PLBD1: variants seen among roughly 807,000 people sequenced by gnomAD.
PLBD1 encodes the protein lysosomal leucine aminopeptidase.
A neutral mutation model predicts 63.0 loss-of-function variants in PLBD1; 60 were observed. The ratio of observed to expected loss-of-function variants is 0.95; its 90% CI spans 0.77 to 1.18. The LOEUF (loss-of-function observed/expected upper bound fraction) is 1.18, where lower values mean the gene tolerates loss of function less well. Among genes scored for constraint, PLBD1 ranks in the 50% most tolerant of loss-of-function variants. The pLI, the probability that PLBD1 is intolerant of heterozygous loss-of-function variation, is 0.00. For synonymous variants in PLBD1, 262 were observed against 248.0 expected, an observed-to-expected ratio of 1.06 and a Z score of -0.53; for missense variants, 598 against 677.9, an observed-to-expected ratio of 0.88 and a Z score of 1.31.
chr12:14,518,994 A>T (rs1038410446), intron 6 of PLBD1, among the ~76,000 whole-genome samples: 12 of 152,222 alleles, frequency 7.9e-5, no homozygotes, highest in African/African-American at 2.9e-4. Context: ...AGCATGATAA[A>T]ATTGAGTGAT....
intron 6 of PLBD1, among the ~76,000 whole-genome samples, chr12:14,534,226 T>C (rs2136919201): frequency 1.3e-5 from 2 of 152,310 alleles, no homozygotes; most frequent in South Asian, 4.1e-4. Context: ...GTGGTTGGTA[T>C]AACCACCCCA....
At chr12:14,505,271 T>A (rs1455012836) in intron 10 of PLBD1, among the ~76,000 whole-genome samples, 1 of 152,122 alleles carries the variant, frequency 6.6e-6, no homozygotes, top group Non-Finnish European at 1.5e-5. Flanking sequence ...GGGGTCAGCA[T>A]TCCTATAATT....
intron 10 of PLBD1, among the ~76,000 whole-genome samples, chr12:14,505,472 A>G (rs1380197411): frequency 2.0e-5 from 3 of 152,192 alleles, no homozygotes; most frequent in African/African-American, 7.2e-5. Context: ...ATTTTTAACA[A>G]CAATCTTTCT....
At position 14,567,638 on chromosome 12, in the gene PLBD1, AGC is replaced by A; in HGVS notation, c.57_58del (p.Leu20AlafsTer31). On this transcript the variant is annotated frameshift_variant, in exon 1 of 11. Transcript: ENST00000240617. LOFTEE classifies it high-confidence loss of function. ...CAACAGCGGCAGCAGCAGCAGCAGC[AGC>A]AGAAGCGGTGGCGGCTGTGGCAGCC... 6.7e-7 allele frequency: 1 copy of A among 1,498,662 alleles called. No individual in the cohort carries two copies. The allele number at this position is 1,498,662 out of a possible 1,614,324, so 92.8% of individuals were successfully genotyped here. A position where few individuals can be genotyped will look rare whatever the true frequency, so the allele number is the denominator to read the frequency against.
At position 14,528,080 on chromosome 12, in the gene PLBD1, C is replaced by A. The variant is rs115477828; in HGVS notation, c.844+7579G>T. Among the ~76,000 whole-genome samples, 1,174 of 151,814 alleles carry A rather than the reference C, an allele frequency of 7.7e-3. 17 individuals carry two copies. The highest frequency in any genetic ancestry group is 0.026 in the African/African-American group (1,095 of 41,406). On this transcript the variant is annotated intron_variant, in intron 6 of 10. Coordinates refer to ENST00000240617, the MANE Select transcript of PLBD1 (RefSeq NM_024829.6). ...GAAATGAAATGAGAAATATAATCTG[C>A]CATGGGATTAGAGAAAAAAGATAAG...
In PLBD1 at chr12:14,506,918, A is replaced by G. The variant is rs371636864; in HGVS notation, c.1372+15T>C. 2 of 1,602,116 alleles carry G rather than the reference A, an allele frequency of 1.2e-6. No individual in the cohort carries two copies. On this transcript the variant is annotated intron_variant, in intron 9 of 10. Coordinates refer to ENST00000240617, the MANE Select transcript of PLBD1 (RefSeq NM_024829.6). ...GGAGTTTTGAAGAATGATTCTTGAGAAATATGCTACGTACTGTTGTATCGC... is the reference window on the plus strand; with the variant it reads ...GGAGTTTTGAAGAATGATTCTTGAGGAATATGCTACGTACTGTTGTATCGC...
intron 6 of PLBD1, among the ~76,000 whole-genome samples, chr12:14,527,206 AT>A (rs1273930550): frequency 1.3e-5 from 2 of 151,942 alleles, no homozygotes; most frequent in African/African-American, 4.8e-5. Context: ...GCAGATATTA[AT>A]TTTTTTTCAG....
intron 1 of PLBD1, among the ~76,000 whole-genome samples, chr12:14,557,131 CAT>C (rs1205638997): frequency 6.6e-6 from 1 of 151,864 alleles, no homozygotes; most frequent in African/African-American, 2.4e-5. Context: ...TACCACTCCA[CAT>C]GAGTCAAAAT....
intron 6 of PLBD1, among the ~76,000 whole-genome samples, chr12:14,526,597 T>C (rs1175650617): frequency 6.6e-6 from 1 of 152,200 alleles, no homozygotes; most frequent in African/African-American, 2.4e-5. Flanking sequence ...TATGTATGCA[T>C]TGGTAATAGC....
intron 4 of PLBD1, 133 bp downstream of exon 4, chr12:14,540,631 A>G (rs959702389): frequency 4.1e-6 from 4 of 987,188 alleles, no homozygotes; most frequent in Non-Finnish European, 4.2e-6. Flanking sequence ...GAGCTATGAC[A>G]GTTCTTTTCC....
intron 1 of PLBD1, 44 bp from the exon 2 acceptor site, chr12:14,553,456 T>C (rs749504044): frequency 7.6e-6 from 11 of 1,452,692 alleles, no homozygotes; most frequent in Non-Finnish European, 9.6e-6. Flanking sequence ...TTCAAATGAG[T>C]TGTGATGCAT....
intron 9 of PLBD1, 64 bp downstream of exon 9, chr12:14,506,869 A>G (rs1341973148): frequency 6.9e-7 from 1 of 1,445,880 alleles, no homozygotes; most frequent in Admixed American, 1.8e-5. Context: ...ACTTACATGG[A>G]TTCTGTATCC....
rs1945804264 is a variant in PLBD1, at chr12:14,567,623, A to AGCAGCG, written c.73_74insCGCTGC (p.Leu24_Leu25insProLeu). On this transcript the variant is annotated inframe_insertion, in exon 1 of 11. Transcript: ENST00000240617. ...CTCCGCGGTGACTAACAACAGCGGC[A>AGCAGCG]GCAGCAGCAGCAGCAGCAGAAGCGG... The AGCAGCG allele has an allele frequency of 2.2e-5, 4 of 182,474 alleles. No homozygotes were observed. The highest frequency in any genetic ancestry group is 9.0e-4 in the South Asian group (2 of 2,230). The allele number at this position is 182,474 out of a possible 1,614,324, so 11.3% of individuals were successfully genotyped here.
At chr12:14,540,674 C>G in intron 4 of PLBD1, 90 bp downstream of exon 4, 11 of 1,311,262 alleles carry the variant, frequency 8.4e-6, no homozygotes, top group Non-Finnish European at 1.1e-5. Flanking sequence ...CTACTTTGAC[C>G]TGCTTCTAAA....
intron 1 of PLBD1, among the ~76,000 whole-genome samples, chr12:14,565,986 C>A (rs1332191303): frequency 6.6e-6 from 1 of 152,180 alleles, no homozygotes; most frequent in Non-Finnish European, 1.5e-5. Flanking sequence ...GTGGTACCTT[C>A]TTGAATAAAT....
At chr12:14,564,970 C>A (rs1945769100) in intron 1 of PLBD1, among the ~76,000 whole-genome samples, 1 of 152,162 alleles carries the variant, frequency 6.6e-6, no homozygotes. Context: ...CCTGACTTCT[C>A]TATACATACC....
At chr12:14,540,018 A>T (rs61920173) in intron 4 of PLBD1, among the ~76,000 whole-genome samples, 179 of 7,102 alleles carry the variant, frequency 0.025, 9 homozygotes, top group South Asian at 0.045. Flanking sequence ...ATGCACATAT[A>T]TATATATATA....
chr12:14,512,242 G>A (rs1945304030), intron 6 of PLBD1, among the ~76,000 whole-genome samples: 1 of 151,718 alleles, frequency 6.6e-6, no homozygotes, highest in Non-Finnish European at 1.5e-5. Context: ...CTTGCCTCCT[G>A]GGTTCAAGCA....
chr12:14,559,718 T>C (rs529396602), intron 1 of PLBD1, among the ~76,000 whole-genome samples: 1 of 152,144 alleles, frequency 6.6e-6, no homozygotes, highest in Non-Finnish European at 1.5e-5. Context: ...GGAATCTTAT[T>C]TATAAAAAGT....
Sources: gnomAD v4.1 joint callset for allele counts (sites outside exome capture counted in the v4.1 genomes callset) on GRCh38, gnomAD v4.1.1 for gene constraint, MANE v1.5 for transcripts, NCBI Gene and HGNC (gene_info 2026-07-23, HGNC 2026-07-21) for gene names.